Variants in ENTREP2 observed in about 807,000 individuals in gnomAD.
ENTREP2 encodes the protein endosomal transmembrane epsin interactor 2.
At chr15:29,296,366 T>C in the ENTREP2 span, among the ~76,000 whole-genome samples, 1 of 152,158 alleles carries the variant, frequency 6.6e-6, no homozygotes, top group Non-Finnish European at 1.5e-5. Flanking sequence ...ACAGAAGGGC[T>C]AAGAATGAAT....
At chr15:29,487,397 A>G in the ENTREP2 span, among the ~76,000 whole-genome samples, 1 of 152,210 alleles carries the variant, frequency 6.6e-6, no homozygotes, top group African/African-American at 2.4e-5. Context: ...GGAGGACTCC[A>G]CCACAGAGCC....
the ENTREP2 span, among the ~76,000 whole-genome samples, chr15:29,171,156 C>T: frequency 1.6e-4 from 25 of 152,344 alleles, no homozygotes; most frequent in East Asian, 4.4e-3. Context: ...TTAAATTCGA[C>T]CTCCAACACT....
At chr15:29,202,871 T>C in the ENTREP2 span, among the ~76,000 whole-genome samples, 1 of 152,244 alleles carries the variant, frequency 6.6e-6, no homozygotes, top group Non-Finnish European at 1.5e-5. Flanking sequence ...ACATTTTCTT[T>C]ATCCAGTCTA....
the ENTREP2 span, among the ~76,000 whole-genome samples, chr15:29,155,214 G>A: frequency 1.5e-4 from 23 of 151,672 alleles, no homozygotes; most frequent in Admixed American, 1.4e-3. Context: ...CCCAGGAGGT[G>A]GAGCTTGCAG....
the ENTREP2 span, among the ~76,000 whole-genome samples, chr15:29,398,459 C>T: frequency 6.6e-6 from 1 of 152,214 alleles, no homozygotes; most frequent in Admixed American, 6.5e-5. Flanking sequence ...GGCAGTGGCT[C>T]ACACCTGTAA....
chr15:29,431,209 G>A, the ENTREP2 span, among the ~76,000 whole-genome samples: 3 of 152,200 alleles, frequency 2.0e-5, no homozygotes, highest in African/African-American at 7.2e-5. Context: ...CACGCTGGCA[G>A]TAACAGGGGA....
chr15:29,123,588 G>C, the ENTREP2 span: 1 of 1,551,756 alleles, frequency 6.4e-7, no homozygotes, highest in South Asian at 1.2e-5. Context: ...CAGTTTTCCA[G>C]GTATCTGGGT....
chr15:29,247,135 C>G, the ENTREP2 span, among the ~76,000 whole-genome samples: 4 of 152,018 alleles, frequency 2.6e-5, no homozygotes, highest in Non-Finnish European at 5.9e-5. Context: ...GAGAAAAAAA[C>G]ACAATCACCA....
the ENTREP2 span, among the ~76,000 whole-genome samples, chr15:29,130,296 G>A: frequency 6.6e-6 from 1 of 152,166 alleles, no homozygotes. Context: ...GAGGGAATCG[G>A]TGAGGGAGAA....
chr15:29,451,454 A>G, the ENTREP2 span, among the ~76,000 whole-genome samples: 70,522 of 151,902 alleles, frequency 0.46, 17,185 homozygotes, highest in Non-Finnish European at 0.53. Context: ...CTCCCAGACC[A>G]CTGTCACAGA....
At chr15:29,464,700 A>C in the ENTREP2 span, among the ~76,000 whole-genome samples, 1 of 152,166 alleles carries the variant, frequency 6.6e-6, no homozygotes, top group Admixed American at 6.5e-5. Flanking sequence ...GGACCCTATG[A>C]AGAGGAGGCG....
At chr15:29,532,374 C>T in the ENTREP2 span, among the ~76,000 whole-genome samples, 12 of 152,302 alleles carry the variant, frequency 7.9e-5, no homozygotes, top group African/African-American at 2.6e-4. Context: ...TTGTAGCATT[C>T]ATGGCCGAGA....
At chr15:29,308,836 GATA>G in the ENTREP2 span, among the ~76,000 whole-genome samples, 2 of 152,184 alleles carry the variant, frequency 1.3e-5, no homozygotes, top group South Asian at 4.1e-4. Context: ...GAAAATAGGA[GATA>G]AACATTGCCA....
chr15:29,118,662 G>C, the ENTREP2 span, among the ~76,000 whole-genome samples: 2 of 152,226 alleles, frequency 1.3e-5, no homozygotes, highest in Admixed American at 1.3e-4. Flanking sequence ...GGCTTCTTCA[G>C]ATTTCAACGT....
the ENTREP2 span, among the ~76,000 whole-genome samples, chr15:29,191,849 G>A: frequency 2.0e-5 from 3 of 152,188 alleles, no homozygotes; most frequent in Non-Finnish European, 4.4e-5. Context: ...GGGAGTTTGA[G>A]GCTGCAGTGA....
the ENTREP2 span, among the ~76,000 whole-genome samples, chr15:29,653,727 C>G: frequency 3.2e-4 from 49 of 152,204 alleles, 1 homozygote; most frequent in Admixed American, 1.1e-3. Context: ...ATAAGTTACC[C>G]AGCCTTGGGC....
chr15:29,278,994 C>A, the ENTREP2 span, among the ~76,000 whole-genome samples: 1 of 152,204 alleles, frequency 6.6e-6, no homozygotes, highest in Non-Finnish European at 1.5e-5. Context: ...TCAGCTGGCC[C>A]TTCTCTGTGC....
At chr15:29,124,689 C>G in the ENTREP2 span, 2 of 1,550,584 alleles carry the variant, frequency 1.3e-6, no homozygotes, top group Non-Finnish European at 1.7e-6. Flanking sequence ...CGTCTCACCG[C>G]TCCCAGGCAC....
At chr15:29,157,191 T>C in the ENTREP2 span, among the ~76,000 whole-genome samples, 2 of 151,988 alleles carry the variant, frequency 1.3e-5, no homozygotes, top group Non-Finnish European at 1.5e-5. Flanking sequence ...TGTTGGCAAA[T>C]GGTTGGAAAT....
Sources: gnomAD v4.1 joint callset for allele counts (sites outside exome capture counted in the v4.1 genomes callset) on GRCh38, gnomAD v4.1.1 for gene constraint, MANE v1.5 for transcripts, NCBI Gene and HGNC (gene_info 2026-07-23, HGNC 2026-07-21) for gene names.